The following RBFOX1 variants were observed in gnomAD, a reference collection of about 807,000 sequenced individuals.
RBFOX1 encodes the protein RNA binding fox-1 homolog 1, also known as RNA binding protein fox-1 homolog 1.
A neutral mutation model predicts 57.7 loss-of-function variants in RBFOX1; 8 were observed. The ratio of observed to expected loss-of-function variants is 0.14; its 90% confidence interval spans 0.08 to 0.25. RBFOX1 has a LOEUF of 0.25. Among genes scored for constraint, RBFOX1 ranks in the 10% least tolerant of loss-of-function variants. The probability of loss-of-function intolerance (pLI) is 1.00; values close to 1 mark genes in which losing one functional copy is unlikely to be tolerated. For synonymous variants in RBFOX1, 326 were observed against 222.4 expected (o/e 1.47, Z -4.15); for missense variants, 611 against 548.5 (o/e 1.11, Z -1.14).
chr16:5,779,858 T>A (rs576664504), intron 3 of RBFOX1, among the ~76,000 whole-genome samples: 1 of 152,326 alleles, frequency 6.6e-6, no homozygotes, highest in African/African-American at 2.4e-5. Flanking sequence ...GGGTTACCTT[T>A]ATAATCTGCC....
chr16:7,699,468 A>G (rs2079932979), intron 14 of RBFOX1, among the ~76,000 whole-genome samples: 1 of 152,164 alleles, frequency 6.6e-6, no homozygotes, highest in African/African-American at 2.4e-5. Flanking sequence ...CTGCGAGTAC[A>G]GGCACGGGCC....
chr16:5,295,731 A>G (rs911104528), intron 1 of RBFOX1, among the ~76,000 whole-genome samples: 7 of 152,188 alleles, frequency 4.6e-5, no homozygotes, highest in African/African-American at 1.7e-4. Flanking sequence ...TAATCACTAC[A>G]TCCCATCACC....
chr16:6,515,066 AAAG>A, intron 2 of RBFOX1, among the ~76,000 whole-genome samples: 1 of 152,178 alleles, frequency 6.6e-6, no homozygotes, highest in Non-Finnish European at 1.5e-5. Context: ...GGAAGGAAGA[AAAG>A]AATGGAAGGA....
chr16:5,501,337 A>AAAAAG (rs1327766417), intron 2 of RBFOX1, among the ~76,000 whole-genome samples: 3 of 151,012 alleles, frequency 2.0e-5, no homozygotes, highest in African/African-American at 4.9e-5. Flanking sequence ...AAAAAAAAAA[A>AAAAAG]AAAAGAAAAA....
chr16:5,916,809 A>C (rs1318052386), intron 4 of RBFOX1, among the ~76,000 whole-genome samples: 1 of 152,092 alleles, frequency 6.6e-6, no homozygotes, highest in African/African-American at 2.4e-5. Flanking sequence ...CCCTGGATTG[A>C]GCTGGGAGAG....
At chr16:7,633,501 C>T (rs1447475165) in intron 11 of RBFOX1, among the ~76,000 whole-genome samples, 2 of 152,202 alleles carry the variant, frequency 1.3e-5, no homozygotes, top group African/African-American at 4.8e-5. Flanking sequence ...AACTTAGGTT[C>T]ATAGCAATTT....
chr16:6,219,294 C>G (rs1199942080), intron 1 of RBFOX1, among the ~76,000 whole-genome samples: 2 of 151,706 alleles, frequency 1.3e-5, no homozygotes, highest in Admixed American at 1.3e-4. Context: ...CACTGGGAGA[C>G]TGCATCACTG....
intron 4 of RBFOX1, among the ~76,000 whole-genome samples, chr16:7,183,058 T>C (rs558056816): frequency 1.3e-5 from 2 of 152,248 alleles, no homozygotes; most frequent in African/African-American, 2.4e-5. Flanking sequence ...CTTAAACACA[T>C]GTATAAGTAA....
In RBFOX1 at chr16:6,107,441, G is replaced by A. The variant is rs143252171; in HGVS notation, c.-127+87449G>A. Among the ~76,000 whole-genome samples the A allele has an allele frequency of 2.2e-4, 34 of 152,210 alleles. No individual in the cohort carries two copies. The East Asian group carries it at 6.2e-3, about 28-fold the overall frequency. On this transcript the variant is annotated intron_variant, in intron 1 of 15. Coordinates refer to ENST00000550418, the MANE Select transcript of RBFOX1 (RefSeq NM_018723.4). ...GTTTAGTAAGACACACTCCTCTGAA[G>A]CTAAACTTAATCTGCGGAGATGTCG...
intron 2 of RBFOX1, among the ~76,000 whole-genome samples, chr16:6,489,489 G>A (rs1189178632): frequency 6.6e-6 from 1 of 152,130 alleles, no homozygotes; most frequent in African/African-American, 2.4e-5. Flanking sequence ...TAATCTGTAT[G>A]AGATCACACA....
chr16:5,807,308 C>A lies in RBFOX1; in HGVS notation c.319-59995C>A, dbSNP rs9936795. On this transcript the variant is annotated intron_variant, in intron 3 of 19. Coordinates refer to the RBFOX1 transcript ENST00000641259. Reference sequence around the variant, plus strand: ...TGTATCCTCAGTTTGAGGCTCCAACCACCTGAGCACCTCTCTTAGTATTTC... The same window carrying A: ...TGTATCCTCAGTTTGAGGCTCCAACAACCTGAGCACCTCTCTTAGTATTTC... Among the ~76,000 whole-genome samples, 1,083 of 152,210 alleles carry A rather than the reference C, an allele frequency of 7.1e-3. 14 individuals are homozygous for A. Among genetic ancestry groups the A allele is most frequent in the African/African-American group, 0.024 (1,012 of 41,536 alleles).
chr16:6,352,494 C>G (rs1029071458), intron 2 of RBFOX1, among the ~76,000 whole-genome samples: 1 of 152,070 alleles, frequency 6.6e-6, no homozygotes, highest in Non-Finnish European at 1.5e-5. Flanking sequence ...TGAAAATTTT[C>G]TAAACACTAG....
intron 1 of RBFOX1, among the ~76,000 whole-genome samples, chr16:5,388,297 G>T (rs1023413676): frequency 2.6e-5 from 4 of 152,140 alleles, no homozygotes; most frequent in African/African-American, 7.2e-5. Context: ...TGGGTTGGGG[G>T]CTTCTTTGTA....
intron 3 of RBFOX1, among the ~76,000 whole-genome samples, chr16:6,977,329 A>T (rs2087295774): frequency 6.6e-6 from 1 of 151,978 alleles, no homozygotes. Flanking sequence ...AATTGATATT[A>T]TGATCTTTGA....
At chr16:7,248,306 CCCTT>C (rs796636248) in intron 4 of RBFOX1, among the ~76,000 whole-genome samples, 102 of 152,328 alleles carry the variant, frequency 6.7e-4, no homozygotes, top group African/African-American at 2.4e-3. Flanking sequence ...ACTGCTCACT[CCCTT>C]CCTTGTTCAT....
chr16:6,346,488 G>A (rs367854441), intron 2 of RBFOX1, among the ~76,000 whole-genome samples: 1 of 143,752 alleles, frequency 7.0e-6, no homozygotes, highest in African/African-American at 2.5e-5. Context: ...ATCAGGTACT[G>A]TTCCAACGAG....
intron 2 of RBFOX1, among the ~76,000 whole-genome samples, chr16:6,377,344 A>G (rs1319692137): frequency 6.6e-6 from 1 of 152,124 alleles, no homozygotes; most frequent in East Asian, 1.9e-4. Flanking sequence ...TCTTAATTCC[A>G]TATGAACTCA....
intron 3 of RBFOX1, among the ~76,000 whole-genome samples, chr16:5,678,684 G>C (rs1428914213): frequency 3.9e-5 from 6 of 152,176 alleles, no homozygotes; most frequent in African/African-American, 1.4e-4. Context: ...TCTTCCTCCA[G>C]TGTTTCTCAC....
chr16:7,510,079 C>T, intron 4 of RBFOX1: 10 of 943,934 alleles, frequency 1.1e-5, no homozygotes, highest in Non-Finnish European at 1.3e-5. Context: ...GCCAGGCCTT[C>T]CTGGCAGAAA....
Sources: allele counts gnomAD v4.1 joint callset (sites outside exome capture counted in the v4.1 genomes callset), GRCh38; gene constraint gnomAD v4.1.1; transcripts MANE v1.5; gene names NCBI Gene and HGNC (gene_info 2026-07-23, HGNC 2026-07-21).